Variants in DENND1B observed in about 807,000 individuals in gnomAD.
DENND1B encodes the protein DENN domain-containing protein 1B.
In DENND1B, 59 loss-of-function variants were observed where a neutral mutation model predicts 90.1. The ratio of observed to expected loss-of-function variants is 0.65; its 90% CI spans 0.53 to 0.81. The LOEUF (loss-of-function observed/expected upper bound fraction) is 0.81. Among genes scored for constraint, DENND1B ranks in the 40% least tolerant of loss-of-function variants. The pLI, the probability that DENND1B is intolerant of heterozygous loss-of-function variation, is 0.00. For missense variants in DENND1B, 862 were observed against 912.6 expected (o/e 0.94, Z 0.71); for synonymous variants, 337 against 324.6 (o/e 1.04, Z -0.41).
chr1:197,723,210 T>C, intron 2 of DENND1B, among the ~76,000 whole-genome samples: 1 of 152,190 alleles, frequency 6.6e-6, no homozygotes, highest in South Asian at 2.1e-4. Flanking sequence ...GCTACATCCA[T>C]TCCTTTTAAA....
At chr1:197,624,285 TC>T (rs1678447553) in intron 10 of DENND1B, among the ~76,000 whole-genome samples, 1 of 151,642 alleles carries the variant, frequency 6.6e-6, no homozygotes, top group Non-Finnish European at 1.5e-5. Context: ...AATCAACTAA[TC>T]TTTGACAAAG....
At chr1:197,773,042 G>A (rs1174641422) in intron 1 of DENND1B, 110 bp from the exon 2 acceptor site, 1 of 853,046 alleles carries the variant, frequency 1.2e-6, no homozygotes, top group Non-Finnish European at 1.9e-6. Flanking sequence ...TACATTTCAC[G>A]TGACTGTATT....
intron 6 of DENND1B, among the ~76,000 whole-genome samples, chr1:197,652,651 A>G (rs916695300): frequency 1.3e-5 from 2 of 152,154 alleles, no homozygotes; most frequent in Non-Finnish European, 2.9e-5. Flanking sequence ...GAATAAAAAT[A>G]GTAATACAAC....
chr1:197,774,980 G>GGCCA (rs1016109679), intron 1 of DENND1B, among the ~76,000 whole-genome samples, 159 bp downstream of exon 1: 2 of 151,958 alleles, frequency 1.3e-5, no homozygotes, highest in Non-Finnish European at 2.9e-5. Context: ...CCCGCCGGCC[G>GGCCA]GCCAGAGGCT....
chr1:197,761,407 A>T (rs1484078055), intron 2 of DENND1B, among the ~76,000 whole-genome samples: 1 of 152,168 alleles, frequency 6.6e-6, no homozygotes, highest in Admixed American at 6.5e-5. Flanking sequence ...CTTCCATGCA[A>T]GTTTAAGAGC....
intron 13 of DENND1B, among the ~76,000 whole-genome samples, chr1:197,598,969 T>C (rs991182254): frequency 3.3e-5 from 5 of 151,848 alleles, no homozygotes; most frequent in Admixed American, 2.0e-4. Flanking sequence ...TTCCTTTCAG[T>C]GAGAATTCAG....
chr1:197,519,073 C>G (rs1292026520), intron 20 of DENND1B, among the ~76,000 whole-genome samples: 1 of 151,826 alleles, frequency 6.6e-6, no homozygotes, highest in Non-Finnish European at 1.5e-5. Flanking sequence ...TAAATTTTGT[C>G]CAGTGAAGAT....
At position 197,626,777 on chromosome 1, in the gene DENND1B, G is replaced by A. The variant is rs571594557; in HGVS notation, c.673-9018C>T. ...AAAGGATCAACAAAATTGATAGACC[G>A]CTAGCAAGACTAATAAAGAAGAAAA... is the stretch of plus-strand genomic sequence containing the variant. On this transcript the variant is annotated intron_variant, in intron 10 of 22. Transcript: ENST00000620048. 1.5e-4 allele frequency among the ~76,000 whole-genome samples: 23 copies of A among 151,914 alleles called. No individual in the cohort carries two copies. In the South Asian group the frequency reaches 3.7e-3, roughly 25 times the overall value.
chr1:197,704,884 T>C (rs1019141631), intron 3 of DENND1B, among the ~76,000 whole-genome samples: 6 of 152,192 alleles, frequency 3.9e-5, no homozygotes, highest in Admixed American at 3.3e-4. Context: ...GTAAACGCTT[T>C]TGAGTCAGAC....
intron 6 of DENND1B, among the ~76,000 whole-genome samples, chr1:197,657,416 T>C (rs1282277391): frequency 6.6e-6 from 1 of 152,180 alleles, no homozygotes; most frequent in African/African-American, 2.4e-5. Flanking sequence ...TCCCAGGTTG[T>C]AATTTTCTGT....
chr1:197,737,620 G>A (rs1662823608), intron 2 of DENND1B, among the ~76,000 whole-genome samples: 1 of 152,056 alleles, frequency 6.6e-6, no homozygotes, highest in Non-Finnish European at 1.5e-5. Context: ...AATCATTACG[G>A]TGAGAATGCA....
At chr1:197,562,334 G>A (rs1286916265) in intron 15 of DENND1B, among the ~76,000 whole-genome samples, 1 of 151,844 alleles carries the variant, frequency 6.6e-6, no homozygotes, top group Non-Finnish European at 1.5e-5. Context: ...TTGAAGGTTT[G>A]TGGCAACCCT....
At chr1:197,748,103 A>C (rs959167761) in intron 2 of DENND1B, among the ~76,000 whole-genome samples, 7 of 152,204 alleles carry the variant, frequency 4.6e-5, no homozygotes, top group African/African-American at 1.7e-4. Flanking sequence ...ACAAACATTG[A>C]AAAGATCTAA....
chr1:197,540,221 G>C, intron 19 of DENND1B, 150 bp from the exon 20 acceptor site: 1 of 373,620 alleles, frequency 2.7e-6, no homozygotes, highest in Admixed American at 4.5e-5. Flanking sequence ...AGAAGAAAAT[G>C]CATTTTTCTA....
At chr1:197,674,267 C>T in intron 3 of DENND1B, 98 bp from the exon 4 acceptor site, 2 of 820,630 alleles carry the variant, frequency 2.4e-6, no homozygotes, top group East Asian at 2.7e-5. Flanking sequence ...GAAAAAGATG[C>T]TTTCTTTGTC....
intron 5 of DENND1B, among the ~76,000 whole-genome samples, chr1:197,663,084 A>T (rs1482134510): frequency 6.6e-6 from 1 of 152,106 alleles, no homozygotes; most frequent in African/African-American, 2.4e-5. Context: ...AAATAACACC[A>T]ATTATTTATC....
intron 22 of DENND1B, among the ~76,000 whole-genome samples, chr1:197,511,294 T>C (rs552089080): frequency 6.6e-6 from 1 of 151,906 alleles, no homozygotes; most frequent in South Asian, 2.1e-4. Flanking sequence ...AGCATTCAGT[T>C]AAATTTGCAT....
At chr1:197,536,125 G>GGTGA (rs1669863248) in intron 20 of DENND1B, among the ~76,000 whole-genome samples, 2 of 142,962 alleles carry the variant, frequency 1.4e-5, no homozygotes. Context: ...AGGGAGAGAG[G>GGTGA]GAGAGAGAGA....
intron 10 of DENND1B, among the ~76,000 whole-genome samples, chr1:197,629,764 C>G (rs1210814991): frequency 6.6e-6 from 1 of 151,790 alleles, no homozygotes; most frequent in African/African-American, 2.4e-5. Flanking sequence ...TAAAAAGCAG[C>G]CACGGACTTT....
Sources: gnomAD v4.1 joint callset for allele counts (sites outside exome capture counted in the v4.1 genomes callset) on GRCh38, gnomAD v4.1.1 for gene constraint, MANE v1.5 for transcripts, NCBI Gene and HGNC (gene_info 2026-07-23, HGNC 2026-07-21) for gene names.